Variants in CPNE8 observed in about 807,000 individuals in gnomAD.
CPNE8 encodes copine 8.
In CPNE8, 45 loss-of-function variants were observed where a neutral mutation model predicts 81.5. The observed-to-expected ratio is 0.55, with a 90% CI of 0.44 to 0.71. The LOEUF (loss-of-function observed/expected upper bound fraction) is 0.71, where lower values mean the gene tolerates loss of function less well. Ranked by LOEUF, CPNE8 falls within the 30% of genes least tolerant of loss-of-function variation. The pLI, the probability that CPNE8 is intolerant of heterozygous loss-of-function variation, is 0.00. For synonymous variants in CPNE8, 252 were observed against 226.3 expected, an observed-to-expected ratio of 1.11 and a Z score of -1.02; for missense variants, 594 against 672.1, an observed-to-expected ratio of 0.88 and a Z score of 1.28.
intron 1 of CPNE8, among the ~76,000 whole-genome samples, chr12:38,902,894 A>C (rs1377982766): frequency 6.6e-6 from 1 of 152,056 alleles, no homozygotes; most frequent in Admixed American, 6.6e-5. Context: ...CCTTGATAAC[A>C]CTCTATATAA....
At chr12:38,785,164 G>A (rs1345073403) in intron 6 of CPNE8, among the ~76,000 whole-genome samples, 1 of 149,258 alleles carries the variant, frequency 6.7e-6, no homozygotes, top group Admixed American at 6.7e-5. Flanking sequence ...CTCCAGCCTG[G>A]ATGACAGAGT....
chr12:38,716,981 A>G (rs1940409723), intron 13 of CPNE8, among the ~76,000 whole-genome samples: 1 of 152,090 alleles, frequency 6.6e-6, no homozygotes. Flanking sequence ...GAGGAAGGAC[A>G]TGAATACACT....
At chr12:38,883,376 A>C (rs553441027) in intron 1 of CPNE8, among the ~76,000 whole-genome samples, 1 of 152,254 alleles carries the variant, frequency 6.6e-6, no homozygotes, top group Non-Finnish European at 1.5e-5. Context: ...CAGAGACTCT[A>C]CAGAGAAAGA....
intron 2 of CPNE8, among the ~76,000 whole-genome samples, chr12:38,874,123 G>GA (rs958455786): frequency 2.0e-5 from 3 of 150,024 alleles, no homozygotes; most frequent in South Asian, 2.1e-4. Context: ...AAAAAAAAAA[G>GA]AAAAAAAAGA....
intron 4 of CPNE8, among the ~76,000 whole-genome samples, chr12:38,845,603 A>AATATAT (rs10688139): frequency 6.6e-6 from 1 of 150,628 alleles, no homozygotes; most frequent in East Asian, 1.9e-4. Context: ...TCACAGGTAT[A>AATATAT]ATATATATAT....
chr12:38,836,836 A>G (rs1943388660), intron 5 of CPNE8, among the ~76,000 whole-genome samples: 1 of 152,182 alleles, frequency 6.6e-6, no homozygotes, highest in Non-Finnish European at 1.5e-5. Flanking sequence ...TTTACCTAAA[A>G]TCTGTACTTG....
chr12:38,906,091 C>T (rs1944567741), upstream of CPNE8: 1 of 986,460 alleles, frequency 1.0e-6, no homozygotes, highest in East Asian at 1.1e-4. Flanking sequence ...CACCTCTGCC[C>T]GTTCCTAACT....
intron 1 of CPNE8, among the ~76,000 whole-genome samples, chr12:38,878,284 A>G (rs1012261934): frequency 6.6e-6 from 1 of 152,196 alleles, no homozygotes; most frequent in Non-Finnish European, 1.5e-5. Flanking sequence ...GCAACATCCA[A>G]GAACCCTTTC....
intron 6 of CPNE8, among the ~76,000 whole-genome samples, chr12:38,778,728 C>T (rs1330948753): frequency 6.6e-6 from 1 of 152,096 alleles, no homozygotes; most frequent in East Asian, 1.9e-4. Flanking sequence ...AATTGTTAAC[C>T]TTTCTTTTCT....
intron 2 of CPNE8, among the ~76,000 whole-genome samples, 169 bp from the exon 3 acceptor site, chr12:38,873,219 A>C (rs1006179523): frequency 2.6e-5 from 4 of 152,208 alleles, no homozygotes; most frequent in South Asian, 2.1e-4. Flanking sequence ...TATGACTAAA[A>C]ATTGATTTAA....
At chr12:38,809,043 G>A (rs1942881112) in intron 6 of CPNE8, among the ~76,000 whole-genome samples, 1 of 152,126 alleles carries the variant, frequency 6.6e-6, no homozygotes, top group Non-Finnish European at 1.5e-5. Flanking sequence ...GGTAAATTGA[G>A]TATGACCATT....
rs767662196 is a variant in CPNE8, at chr12:38,653,931, G to A, written c.1646C>T (p.Ala549Val). Residue 549 changes from alanine to valine, a missense_variant, in exon 20 of 20, where the codon GCG becomes GTG. Physicochemically the swap from Ala to Val is moderately conservative, Grantham distance 64 (BLOSUM62 0). Coordinates refer to ENST00000331366, the MANE Select transcript of CPNE8 (RefSeq NM_153634.3). ...TGTAGGTGGGGTGTATGGGGGAGGC[G>A]CAGGTGATGGCTTGATTCCTCGGGC... Reference protein sequence around the residue: ...MRARGIKPSPAPPPYTPPTHV... With the variant: ...MRARGIKPSPVPPPYTPPTHV... 13 of 1,613,278 alleles carry A rather than the reference G, an allele frequency of 8.1e-6. No homozygotes were observed. The highest frequency in any genetic ancestry group is 3.3e-5 in the Admixed American group (2 of 59,928).
At chr12:38,812,402 CA>C (rs1447222204) in intron 6 of CPNE8, among the ~76,000 whole-genome samples, 5 of 152,154 alleles carry the variant, frequency 3.3e-5, no homozygotes, top group Admixed American at 6.6e-5. Context: ...AGAAAACTTA[CA>C]ATCATGGCAG....
intron 3 of CPNE8, among the ~76,000 whole-genome samples, chr12:38,867,738 T>C (rs1453058526): frequency 2.6e-5 from 4 of 152,216 alleles, no homozygotes; most frequent in Admixed American, 1.3e-4. Context: ...ACTTTGTTAT[T>C]TCCATTTGCC....
chr12:38,653,251 C>T lies in CPNE8; in HGVS notation c.*631G>A, dbSNP rs1938740458. On this transcript the variant is annotated 3_prime_UTR_variant, in exon 20 of 20. Coordinates refer to ENST00000331366, the MANE Select transcript of CPNE8 (RefSeq NM_153634.3). ...CATCTGCCGGGCTTAAACTCCCATACCCAGCAAACATTGCTGAGAAATTGT... is the reference window on the plus strand; with the variant it reads ...CATCTGCCGGGCTTAAACTCCCATATCCAGCAAACATTGCTGAGAAATTGT... 1 of 152,588 alleles carries T rather than the reference C, an allele frequency of 6.6e-6. No homozygotes were observed. Among genetic ancestry groups the T allele is most frequent in the Non-Finnish European group, 1.5e-5 (1 of 68,026 alleles). The allele number at this position is 152,588 out of a possible 1,614,324, so 9.5% of individuals were successfully genotyped here.
chr12:38,776,924 T>A (rs1227075618), intron 6 of CPNE8, among the ~76,000 whole-genome samples: 1 of 152,048 alleles, frequency 6.6e-6, no homozygotes, highest in Non-Finnish European at 1.5e-5. Context: ...GTACAGTCCA[T>A]AATACTTGAC....
At chr12:38,785,038 T>C (rs11610376) in intron 6 of CPNE8, among the ~76,000 whole-genome samples, 43,821 of 151,832 alleles carry the variant, frequency 0.29, 8,199 homozygotes, top group Non-Finnish European at 0.41. Context: ...CTACTAAAAA[T>C]ACAAAAATTA....
At chr12:38,842,423 G>A (rs568142830) in intron 4 of CPNE8, among the ~76,000 whole-genome samples, 2 of 151,906 alleles carry the variant, frequency 1.3e-5, no homozygotes, top group Admixed American at 1.3e-4. Context: ...ATCACAAAAA[G>A]CTTAAGTATC....
rs147632365 is a variant in CPNE8, at chr12:38,761,807, C to G, written c.680+305G>C. Among the ~76,000 whole-genome samples, 401 of 152,236 alleles carry G rather than the reference C, an allele frequency of 2.6e-3. 2 individuals are homozygous for G. The highest frequency in any genetic ancestry group is 9.4e-3 in the African/African-American group (391 of 41,546). On this transcript the variant is annotated intron_variant, in intron 9 of 19. Coordinates refer to ENST00000331366, the MANE Select transcript of CPNE8 (RefSeq NM_153634.3). ...CATGAGTTATGCCAAATAACATTTTCAAGAGTATTTCAGGGTTGACAATAT... is the reference window on the plus strand; with the variant it reads ...CATGAGTTATGCCAAATAACATTTTGAAGAGTATTTCAGGGTTGACAATAT...
Sources: allele counts gnomAD v4.1 joint callset (sites outside exome capture counted in the v4.1 genomes callset), GRCh38; gene constraint gnomAD v4.1.1; transcripts MANE v1.5; gene names NCBI Gene and HGNC (gene_info 2026-07-23, HGNC 2026-07-21).